The following FOXK2 variants were observed in gnomAD, a reference collection of about 807,000 sequenced individuals.
FOXK2 encodes forkhead box K2.
FOXK2 carries 24 observed loss-of-function variants against 53.3 expected under a neutral mutation model. The ratio of observed to expected loss-of-function variants is 0.45; its 90% CI spans 0.33 to 0.63. The LOEUF (loss-of-function observed/expected upper bound fraction) is 0.63. Ranked by LOEUF, FOXK2 falls within the 30% of genes least tolerant of loss-of-function variation. The pLI is 0.03. For synonymous variants in FOXK2, 505 were observed against 407.1 expected (o/e 1.24, Z -2.89); for missense variants, 952 against 910.5 (o/e 1.05, Z -0.59).
chr17:82,523,503 G>A (rs56901985), intron 1 of FOXK2, among the ~76,000 whole-genome samples: 1,622 of 144,868 alleles, frequency 0.011, 22 homozygotes, highest in African/African-American at 0.04. Context: ...AGAGTTTTTC[G>A]CTCTTGTTGC....
At position 82,527,635 on chromosome 17, in the gene FOXK2, G is replaced by A. The variant is rs574896297; in HGVS notation, c.419+7328G>A. ...CATAGCAAGACTTTGTCTCAAAACC[G>A]AAGATATTCATTTGGCAAATTGAGA... On this transcript the variant is annotated intron_variant, in intron 1 of 8. Coordinates refer to ENST00000335255, the MANE Select transcript of FOXK2 (RefSeq NM_004514.4). Among the ~76,000 whole-genome samples, 67 of 152,138 alleles carry A rather than the reference G, an allele frequency of 4.4e-4. 1 individual carries two copies. The highest frequency in any genetic ancestry group is 3.4e-3 in the Middle Eastern group (1 of 294).
At chr17:82,536,779 C>G (rs981521294) in intron 1 of FOXK2, among the ~76,000 whole-genome samples, 3 of 152,252 alleles carry the variant, frequency 2.0e-5, no homozygotes, top group Admixed American at 6.5e-5. Context: ...TCTGAATGTC[C>G]TGATTTCCCA....
intron 1 of FOXK2, among the ~76,000 whole-genome samples, chr17:82,547,706 G>A (rs2044640160): frequency 6.6e-6 from 1 of 152,038 alleles, no homozygotes; most frequent in South Asian, 2.1e-4. Context: ...ACACCATGTA[G>A]CCGAAATCAC....
chr17:82,556,983 G>A (rs546375260), intron 1 of FOXK2, among the ~76,000 whole-genome samples: 3 of 151,788 alleles, frequency 2.0e-5, no homozygotes, highest in South Asian at 4.2e-4. Context: ...GATGACAGGC[G>A]TGAGCCACCG....
intron 8 of FOXK2, among the ~76,000 whole-genome samples, chr17:82,596,512 C>T (rs62079672): frequency 0.16 from 3,748 of 23,666 alleles, 1 homozygote; most frequent in South Asian, 0.31. Context: ...CCCGGGACCG[C>T]GCACACGTGG....
intron 4 of FOXK2, among the ~76,000 whole-genome samples, chr17:82,576,176 TCGGG>T (rs2044983315): frequency 2.9e-3 from 1 of 346 alleles, no homozygotes; most frequent in Non-Finnish European, 8.2e-3. Context: ...GCGTGTGTGC[TCGGG>T]TGGCGGCGGC....
In FOXK2 at chr17:82,586,097, G is replaced by T. The variant is rs748655226; in HGVS notation, c.1473G>T (p.Ala491=). The change falls in exon 7 of 9, where the codon GCG becomes GCT. Residue 491 remains alanine (A), a synonymous_variant. Transcript: ENST00000335255. ...CCAGTGTGGCCGGACTGGCCCCAGCGAACACGTACACTGTCTCTGGACAAG... is the reference window on the plus strand; with the variant it reads ...CCAGTGTGGCCGGACTGGCCCCAGCTAACACGTACACTGTCTCTGGACAAG... ...SVTSVAGLAP[A]NTYTVSGQAV... The T allele has an allele frequency of 6.2e-7, 1 of 1,612,740 alleles. No homozygotes were observed. Among genetic ancestry groups the T allele is most frequent in the South Asian group, 1.1e-5 (1 of 91,080 alleles).
chr17:82,524,073 G>C (rs2044393431), intron 1 of FOXK2, among the ~76,000 whole-genome samples: 1 of 151,846 alleles, frequency 6.6e-6, no homozygotes, highest in Non-Finnish European at 1.5e-5. Context: ...GTTTTTTGTA[G>C]CAACAGAGTT....
chr17:82,574,887 G>A (rs952399876), intron 4 of FOXK2, among the ~76,000 whole-genome samples: 9 of 152,182 alleles, frequency 5.9e-5, no homozygotes, highest in African/African-American at 2.2e-4. Flanking sequence ...GATGCCATAT[G>A]TCTTTCTTTT....
At chr17:82,598,683 C>A (rs1330778607) in intron 8 of FOXK2, among the ~76,000 whole-genome samples, 2 of 152,232 alleles carry the variant, frequency 1.3e-5, no homozygotes, top group African/African-American at 4.8e-5. Context: ...GAGGGCAAAG[C>A]CTTCATGGTC....
chr17:82,586,250 T>TAGGTGGA, intron 7 of FOXK2, 50 bp downstream of exon 7: 1 of 389,032 alleles, frequency 2.6e-6, no homozygotes, highest in African/African-American at 4.6e-5. Context: ...AGGTGAAAGG[T>TAGGTGGA]GGGCCGGGGG....
At chr17:82,527,009 C>G (rs1004101241) in intron 1 of FOXK2, among the ~76,000 whole-genome samples, 1 of 152,022 alleles carries the variant, frequency 6.6e-6, no homozygotes, top group African/African-American at 2.4e-5. Flanking sequence ...GGTGTGTTTC[C>G]GTATTGAAGG....
chr17:82,531,725 T>C (rs2044473621), intron 1 of FOXK2, among the ~76,000 whole-genome samples: 1 of 152,184 alleles, frequency 6.6e-6, no homozygotes, highest in Non-Finnish European at 1.5e-5. Flanking sequence ...CTAGAGCACT[T>C]AGTGTCAGCA....
In FOXK2 at chr17:82,604,230, CAA is replaced by C. The variant is rs1235136597; in HGVS notation, c.*2734_*2735del. ...CTTTGCCCTGAACCAAACGAGAAAA[CAA>C]AAGGGAACTCCCGTATGACCCACGT... On this transcript the variant is annotated 3_prime_UTR_variant, in exon 9 of 9. Transcript: ENST00000335255. 1 of 152,328 alleles carries C rather than the reference CAA, an allele frequency of 6.6e-6. No homozygotes were observed. The highest frequency in any genetic ancestry group is 1.9e-4 in the East Asian group (1 of 5,188). 9.4% of individuals were successfully genotyped at this position (152,328 alleles called of 1,614,324 possible). A position where few individuals can be genotyped will look rare whatever the true frequency, so the allele number is the denominator to read the frequency against.
At position 82,519,980 on chromosome 17, in the gene FOXK2, C is replaced by T; in HGVS notation, c.92C>T (p.Pro31Leu). The change falls in exon 1 of 9, where the codon CCG becomes CTG. Residue 31 changes from proline to leucine, a missense_variant. Around this residue, in one of 5 missense-constraint regions of FOXK2, gnomAD observed 163 missense variants for 165.5 expected, o/e 0.98. Transcript: ENST00000335255. Reference sequence around the variant, plus strand: ...GGCGGGGCCGGGGGCGGCGGGTCCCCGCCGGGCGGCTGGGCCGTGGCGCGC... The same window carrying T: ...GGCGGGGCCGGGGGCGGCGGGTCCCTGCCGGGCGGCTGGGCCGTGGCGCGC... ...GGGGAGGGGSPPGGWAVARLE... is the reference protein window; with the variant it reads ...GGGGAGGGGSLPGGWAVARLE... The T allele has an allele frequency of 7.6e-7, 1 of 1,307,668 alleles. No individual in the cohort carries two copies. Among genetic ancestry groups the T allele is most frequent in the Non-Finnish European group, 9.8e-7 (1 of 1,018,178 alleles). The allele number at this position is 1,307,668 out of a possible 1,614,324, so 81.0% of individuals were successfully genotyped here.
In FOXK2 at chr17:82,590,996, G is replaced by C. The variant is rs529921375; in HGVS notation, c.1786+3724G>C. 2.0e-3 allele frequency among the ~76,000 whole-genome samples: 304 copies of C among 152,340 alleles called. 1 individual carries two copies. Among genetic ancestry groups the C allele is most frequent in the African/African-American group, 7.1e-3 (296 of 41,590 alleles). Reference sequence around the variant, plus strand: ...GGCAGCCTGGGCCGGTTCTGCCTCTGCCACCAGCTGCTGTGGGACCCGGGG... The same window carrying C: ...GGCAGCCTGGGCCGGTTCTGCCTCTCCCACCAGCTGCTGTGGGACCCGGGG... On this transcript the variant is annotated intron_variant, in intron 8 of 8. Coordinates refer to ENST00000335255, the MANE Select transcript of FOXK2 (RefSeq NM_004514.4).
At chr17:82,553,595 G>A (rs764743029) in intron 1 of FOXK2, among the ~76,000 whole-genome samples, 12 of 152,226 alleles carry the variant, frequency 7.9e-5, no homozygotes, top group Non-Finnish European at 1.0e-4. Flanking sequence ...GACTTTGGAT[G>A]TTTCTGGAGG....
chr17:82,596,130 G>C, intron 8 of FOXK2: 1 of 818,966 alleles, frequency 1.2e-6, no homozygotes, highest in Non-Finnish European at 1.5e-6. Context: ...GACTGCGACC[G>C]CGATTGCAGG....
intron 7 of FOXK2, 55 bp downstream of exon 7, chr17:82,586,255 CG>C (rs55700637): frequency 0.44 from 125,933 of 283,014 alleles, 25,978 homozygotes; most frequent in East Asian, 0.62. Flanking sequence ...AAAGGTGGGC[CG>C]GGGGGGGAAA....
Sources: allele counts gnomAD v4.1 joint callset (sites outside exome capture counted in the v4.1 genomes callset), GRCh38; gene constraint gnomAD v4.1.1; regional missense constraint gnomAD v4.1.1; transcripts MANE v1.5; gene names NCBI Gene and HGNC (gene_info 2026-07-23, HGNC 2026-07-21).